The following MMP26 variants were observed in gnomAD, a reference collection of about 807,000 sequenced individuals.
The protein encoded by MMP26 is matrix metalloproteinase-26.
Under a neutral mutation model 31.0 loss-of-function variants are expected in MMP26, and 33 were observed. The ratio of observed to expected loss-of-function variants is 1.06; its 90% CI spans 0.81 to 1.42. The LOEUF (loss-of-function observed/expected upper bound fraction) is 1.42. Ranked by LOEUF, MMP26 falls within the 40% of genes most tolerant of loss-of-function variation. The pLI is 0.00. For synonymous variants in MMP26, 122 were observed against 114.9 expected (o/e 1.06, Z -0.40); for missense variants, 347 against 316.1 (o/e 1.10, Z -0.74).
At chr11:4,800,736 G>A (rs1849169179) in intron 2 of MMP26, among the ~76,000 whole-genome samples, 1 of 152,064 alleles carries the variant, frequency 6.6e-6, no homozygotes, top group South Asian at 2.1e-4. Context: ...TTAAATATAA[G>A]TTCCTACTTT....
At chr11:4,985,189 A>T (rs1348829504) in intron 2 of MMP26, among the ~76,000 whole-genome samples, 2 of 152,184 alleles carry the variant, frequency 1.3e-5, no homozygotes, top group Non-Finnish European at 2.9e-5. Flanking sequence ...TCAGATATAG[A>T]TGTAAATATC....
chr11:4,793,376 A>T (rs867931046), intron 2 of MMP26, among the ~76,000 whole-genome samples: 7 of 152,138 alleles, frequency 4.6e-5, no homozygotes, highest in South Asian at 2.1e-4. Context: ...ACAAATTGAT[A>T]AAAAACGAGA....
intron 1 of MMP26, among the ~76,000 whole-genome samples, chr11:4,746,726 C>A (rs565294273): frequency 2.0e-5 from 3 of 151,802 alleles, no homozygotes; most frequent in African/African-American, 7.3e-5. Context: ...CCCAGTTACT[C>A]GGGAGGCAGA....
At position 4,942,089 on chromosome 11, in the gene MMP26, C is replaced by CAAAAAAAAAAAAA. The variant is rs201626472; in HGVS notation, c.-144-45970_-144-45958dup. ...TGGGCAGCAGAATGAGAGTCCATCT[C>CAAAAAAAAAAAAA]AAAAAAAAAAAAAAAAAAAAAGGAA... On this transcript the variant is annotated intron_variant, in intron 2 of 7. Coordinates refer to ENST00000380390, the MANE Select transcript of MMP26 (RefSeq NM_021801.5). Among the ~76,000 whole-genome samples the CAAAAAAAAAAAAA allele has an allele frequency of 7.0e-4, 26 of 37,118 alleles. 1 individual carries two copies. Among genetic ancestry groups the CAAAAAAAAAAAAA allele is most frequent in the Non-Finnish European group, 9.9e-4 (19 of 19,124 alleles). 24.4% of individuals were successfully genotyped at this position (37,118 alleles called of 152,430 possible). A position where few individuals can be genotyped will look rare whatever the true frequency, so the allele number is the denominator to read the frequency against.
intron 2 of MMP26, among the ~76,000 whole-genome samples, chr11:4,940,777 A>C (rs1443407643): frequency 1.3e-5 from 2 of 152,212 alleles, no homozygotes; most frequent in Non-Finnish European, 2.9e-5. Flanking sequence ...GTCATATTCA[A>C]ACCCAGCCCC....
rs1041616058 is a variant in MMP26 at position 4,842,640 on chromosome 11, A to T, written c.-145+75299A>T. Among the ~76,000 whole-genome samples the T allele has an allele frequency of 6.6e-5, 10 of 152,186 alleles. No individual in the cohort carries two copies. The East Asian group carries it at 1.9e-3, about 29-fold the overall frequency. On this transcript the variant is annotated intron_variant, in intron 2 of 7. Transcript: ENST00000380390. ...TCCACGTTGGGAATTACAATTCAAC[A>T]TGAGATTTGGGTGGGGACACAGAGC...
At chr11:4,861,003 T>C (rs1850146696) in intron 2 of MMP26, among the ~76,000 whole-genome samples, 1 of 151,302 alleles carries the variant, frequency 6.6e-6, no homozygotes, top group Admixed American at 6.6e-5. Flanking sequence ...CACAACTACA[T>C]ACAATCCCAC....
intron 2 of MMP26, chr11:4,919,382 A>C (rs750889683): frequency 3.3e-5 from 5 of 152,242 alleles, no homozygotes; most frequent in Non-Finnish European, 2.9e-5. Context: ...CGGATGTTTA[A>C]ATCCATGATT....
rs1366347359 is a variant in MMP26 at position 4,815,676 on chromosome 11, A to G, written c.-145+48335A>G. On this transcript the variant is annotated intron_variant, in intron 2 of 7. Transcript: ENST00000380390. ...TGGAATATATGCTTCAGCAAGTGAA[A>G]TTGGTATACAGTAAAGTTCAACAAA... Among the ~76,000 whole-genome samples, 9 of 152,220 alleles carry G rather than the reference A, an allele frequency of 5.9e-5. 1 individual carries two copies. The highest frequency in any genetic ancestry group is 5.9e-4 in the Admixed American group (9 of 15,284).
intron 1 of MMP26, among the ~76,000 whole-genome samples, chr11:4,749,287 G>A (rs1340967808): frequency 6.6e-6 from 1 of 151,918 alleles, no homozygotes; most frequent in Non-Finnish European, 1.5e-5. Context: ...AAATGTAGAT[G>A]ATACAAACAA....
At chr11:4,723,277 G>T in intron 1 of MMP26, 2 of 1,059,050 alleles carry the variant, frequency 1.9e-6, no homozygotes, top group South Asian at 1.3e-5. Context: ...TCTCAGTCTT[G>T]TGCGCTGCGG....
intron 2 of MMP26, among the ~76,000 whole-genome samples, chr11:4,901,465 T>G (rs1259526073): frequency 2.6e-5 from 4 of 152,042 alleles, no homozygotes; most frequent in Non-Finnish European, 5.9e-5. Context: ...CGGCCCCCTC[T>G]TTGTGCTCTT....
intron 2 of MMP26, among the ~76,000 whole-genome samples, chr11:4,909,765 C>T (rs143200960): frequency 2.6e-5 from 4 of 152,256 alleles, no homozygotes; most frequent in African/African-American, 7.2e-5. Context: ...AATTTAACCA[C>T]AGCTAAAATG....
At chr11:4,931,512 A>G (rs1414000882) in intron 2 of MMP26, among the ~76,000 whole-genome samples, 2 of 152,126 alleles carry the variant, frequency 1.3e-5, no homozygotes, top group African/African-American at 4.8e-5. Context: ...TGTTTTATAT[A>G]TAGAGAGATT....
intron 2 of MMP26, among the ~76,000 whole-genome samples, chr11:4,967,697 A>G (rs1227579858): frequency 1.3e-5 from 2 of 152,176 alleles, no homozygotes; most frequent in Admixed American, 6.5e-5. Context: ...CAAACATAAT[A>G]TTGTAACCAA....
intron 2 of MMP26, among the ~76,000 whole-genome samples, chr11:4,865,531 T>G (rs1306241929): frequency 6.6e-6 from 1 of 152,084 alleles, no homozygotes; most frequent in Non-Finnish European, 1.5e-5. Flanking sequence ...CTTGAAAACC[T>G]TTACAACTTC....
chr11:4,809,350 T>C (rs1271024190), intron 2 of MMP26, among the ~76,000 whole-genome samples: 2 of 152,226 alleles, frequency 1.3e-5, no homozygotes, highest in African/African-American at 4.8e-5. Flanking sequence ...AGGGTTTTGT[T>C]ATATAAATGT....
intron 2 of MMP26, among the ~76,000 whole-genome samples, chr11:4,961,124 ATT>A (rs928196144): frequency 6.6e-6 from 1 of 152,202 alleles, no homozygotes; most frequent in African/African-American, 2.4e-5. Flanking sequence ...ATCTCAAGAA[ATT>A]TTGTCTTCAC....
intron 2 of MMP26, chr11:4,821,724 C>T (rs1849504533): frequency 6.2e-7 from 1 of 1,613,978 alleles, no homozygotes; most frequent in South Asian, 1.1e-5. Context: ...CCTGCATTGC[C>T]CAGATGTTCT....
Sources: allele counts gnomAD v4.1 joint callset (sites outside exome capture counted in the v4.1 genomes callset), GRCh38; gene constraint gnomAD v4.1.1; transcripts MANE v1.5; gene names NCBI Gene and HGNC (gene_info 2026-07-23, HGNC 2026-07-21).